CLIC5: variants seen among roughly 807,000 people sequenced by gnomAD.
CLIC5 encodes the protein CLIC family member 5.
In CLIC5, 20 loss-of-function variants were observed where a neutral mutation model predicts 24.7. The observed-to-expected ratio is 0.81, with a 90% CI of 0.57 to 1.18. The LOEUF is 1.18. CLIC5 is among the 50% of genes most tolerant of loss of function. The probability of loss-of-function intolerance (pLI) is 0.00; values close to 1 mark genes in which losing one functional copy is unlikely to be tolerated. For missense variants in CLIC5, 341 were observed against 326.1 expected, an observed-to-expected ratio of 1.05 and a Z score of -0.35; for synonymous variants, 159 against 135.6, an observed-to-expected ratio of 1.17 and a Z score of -1.20.
the CLIC5 span, among the ~76,000 whole-genome samples, chr6:46,121,306 C>G: frequency 6.6e-6 from 1 of 152,138 alleles, no homozygotes; most frequent in East Asian, 1.9e-4. Flanking sequence ...AATTTTCAAC[C>G]CAGAATTTCA....
chr6:46,123,020 C>G, the CLIC5 span: 1 of 152,250 alleles, frequency 6.6e-6, no homozygotes, highest in Non-Finnish European at 1.5e-5. Flanking sequence ...TAGCTGGTAC[C>G]ATTCCTTCTG....
the CLIC5 span, among the ~76,000 whole-genome samples, chr6:46,129,321 A>G: frequency 6.6e-6 from 1 of 152,240 alleles, no homozygotes; most frequent in East Asian, 1.9e-4. Context: ...TCTGTTTGGT[A>G]ACTGCTCTTT....
intron 1 of CLIC5, among the ~76,000 whole-genome samples, chr6:45,959,572 T>G (rs1458988632): frequency 1.3e-5 from 2 of 152,132 alleles, no homozygotes; most frequent in Non-Finnish European, 2.9e-5. Context: ...AGAGTCTTGC[T>G]CTGTCATCCA....
rs531025947 is a variant in CLIC5 at position 45,923,151 on chromosome 6, A to G, written c.407-8742T>C. On this transcript the variant is annotated intron_variant, in intron 4 of 5. Transcript: ENST00000339561. Reference sequence around the variant, plus strand: ...GCATAAATGCTGACGGAAGCTATTAATGCTGATTGTAGTTTATGTGGCCAA... The same window carrying G: ...GCATAAATGCTGACGGAAGCTATTAGTGCTGATTGTAGTTTATGTGGCCAA... Among the ~76,000 whole-genome samples, 7 of 152,360 alleles carry G rather than the reference A, an allele frequency of 4.6e-5. No individual in the cohort carries two copies. The South Asian group carries it at 8.3e-4, about 18-fold the overall frequency.
the CLIC5 span, among the ~76,000 whole-genome samples, chr6:46,118,636 T>C: frequency 6.6e-6 from 1 of 152,244 alleles, no homozygotes; most frequent in Non-Finnish European, 1.5e-5. Context: ...CTTCCCTGTC[T>C]ACAAGATAAT....
chr6:45,971,888 C>T (rs1209539), intron 1 of CLIC5, among the ~76,000 whole-genome samples: 57,505 of 152,038 alleles, frequency 0.38, 12,172 homozygotes, highest in African/African-American at 0.57. Flanking sequence ...GCATAATTTT[C>T]CCCTATGTCC....
intron 1 of CLIC5, among the ~76,000 whole-genome samples, chr6:45,976,463 G>T (rs114037107): frequency 0.016 from 2,444 of 152,226 alleles, 82 homozygotes; most frequent in African/African-American, 0.057. Context: ...GGATGAGTTG[G>T]TCACTCTATG....
chr6:45,936,265 C>T (rs192885355), intron 4 of CLIC5, among the ~76,000 whole-genome samples: 26 of 135,606 alleles, frequency 1.9e-4, no homozygotes, highest in Admixed American at 9.3e-4. Flanking sequence ...AGTGCAATGA[C>T]GTGATCTCGG....
chr6:46,076,021 C>T (rs1762757455), intron 1 of CLIC5, among the ~76,000 whole-genome samples: 1 of 152,222 alleles, frequency 6.6e-6, no homozygotes, highest in South Asian at 2.1e-4. Context: ...TGAAGTTTGT[C>T]AGTTGCCTCT....
chr6:46,005,980 G>GTATATATA (rs35395134), intron 1 of CLIC5, among the ~76,000 whole-genome samples: 1 of 117,696 alleles, frequency 8.5e-6, no homozygotes, highest in Non-Finnish European at 1.7e-5. Flanking sequence ...GCCTATGTGT[G>GTATATATA]TATATATATA....
At chr6:46,078,465 G>A (rs1321732526) in intron 1 of CLIC5, among the ~76,000 whole-genome samples, 1 of 152,078 alleles carries the variant, frequency 6.6e-6, no homozygotes, top group Non-Finnish European at 1.5e-5. Flanking sequence ...CACCTCCTCC[G>A]TGGAGCTGCT....
chr6:46,110,462 A>T, the CLIC5 span, among the ~76,000 whole-genome samples: 1 of 152,238 alleles, frequency 6.6e-6, no homozygotes, highest in African/African-American at 2.4e-5. Flanking sequence ...TAATTTCAAT[A>T]AGAATCTGTT....
intron 3 of CLIC5, among the ~76,000 whole-genome samples, chr6:45,942,689 T>A (rs1199585760): frequency 6.6e-6 from 1 of 152,242 alleles, no homozygotes; most frequent in Non-Finnish European, 1.5e-5. Context: ...CAAACAAGAC[T>A]TTAAAAAATA....
chr6:46,104,151 C>A, the CLIC5 span, among the ~76,000 whole-genome samples: 3 of 152,070 alleles, frequency 2.0e-5, no homozygotes, highest in Non-Finnish European at 2.9e-5. Context: ...TATGCATATT[C>A]ATATTTAATC....
intron 4 of CLIC5, among the ~76,000 whole-genome samples, chr6:45,916,919 A>G (rs1186190332): frequency 6.6e-6 from 1 of 152,190 alleles, no homozygotes; most frequent in East Asian, 1.9e-4. Flanking sequence ...AGTTGGTAAC[A>G]GCCGTGGTAG....
At chr6:46,094,873 C>G in the CLIC5 span, among the ~76,000 whole-genome samples, 2 of 152,210 alleles carry the variant, frequency 1.3e-5, no homozygotes, top group Non-Finnish European at 2.9e-5. Flanking sequence ...TCTGCATTGC[C>G]CTAATAGAGG....
At chr6:46,092,403 A>T in the CLIC5 span, among the ~76,000 whole-genome samples, 2 of 150,326 alleles carry the variant, frequency 1.3e-5, no homozygotes, top group Non-Finnish European at 2.9e-5. Flanking sequence ...AGTCTTCCTC[A>T]TGATTATTAT....
rs116896066 is a variant in CLIC5 at position 45,969,864 on chromosome 6, C to T, written c.64-14620G>A. Among the ~76,000 whole-genome samples the T allele has an allele frequency of 8.0e-3, 1,200 of 149,460 alleles. 71 individuals carry two copies. In the South Asian group the frequency reaches 0.15, roughly 19 times the overall value. On this transcript the variant is annotated intron_variant, in intron 1 of 5. Transcript: ENST00000339561. The stretch of plus-strand genomic sequence containing the variant: ...AGGGTAAAGACAGAAAGCCACACTC[C>T]TACGACAGGTCCTGAGCTCCCAGGG...
chr6:45,969,492 G>A (rs1293701159), intron 1 of CLIC5, among the ~76,000 whole-genome samples: 3 of 135,456 alleles, frequency 2.2e-5, no homozygotes, highest in African/African-American at 5.5e-5. Flanking sequence ...GACTAGGGCA[G>A]TTGAGATCCA....
Sources: allele counts gnomAD v4.1 joint callset (sites outside exome capture counted in the v4.1 genomes callset), GRCh38; gene constraint gnomAD v4.1.1; transcripts MANE v1.5; gene names NCBI Gene and HGNC (gene_info 2026-07-23, HGNC 2026-07-21).